Variants in ACSM1 observed in about 807,000 individuals in gnomAD.
ACSM1 encodes acyl-CoA synthetase medium chain family member 1.
ACSM1 carries 79 observed loss-of-function variants against 75.8 expected under a neutral mutation model. The observed-to-expected ratio is 1.04, with a 90% CI of 0.87 to 1.26. ACSM1 has a LOEUF of 1.26. Among genes scored for constraint, ACSM1 ranks in the 50% most tolerant of loss-of-function variants. The pLI is 0.00. For missense variants in ACSM1, 676 were observed against 720.1 expected (o/e 0.94, Z 0.70); for synonymous variants, 279 against 265.8 (o/e 1.05, Z -0.48).
chr16:20,689,749 TG>T lies in ACSM1; in HGVS notation c.192+1247del, dbSNP rs574670216. Among the ~76,000 whole-genome samples, 514 of 152,316 alleles carry T rather than the reference TG, an allele frequency of 3.4e-3. 2 individuals carry two copies. Among genetic ancestry groups the T allele is most frequent in the African/African-American group, 0.012 (507 of 41,574 alleles). ...TACTTCCTTCCTCTCCAACCCATCT[TG>T]TTTCAAAAATTCTCAACCAGATTTC... On this transcript the variant is annotated intron_variant, in intron 2 of 13. Coordinates refer to ENST00000520010, the MANE Select transcript of ACSM1 (RefSeq NM_001318890.3).
At chr16:20,672,448 C>CAAAAAAAAAAAAAAA (rs528742963) in intron 4 of ACSM1, among the ~76,000 whole-genome samples, 2 of 21,926 alleles carry the variant, frequency 9.1e-5, no homozygotes, top group African/African-American at 2.6e-4. Context: ...AACTCCATCT[C>CAAAAAAAAAAAAAAA]AAAAAAAAAA....
intron 7 of ACSM1, among the ~76,000 whole-genome samples, chr16:20,651,836 T>G (rs1022204271): frequency 2.0e-5 from 3 of 152,140 alleles, no homozygotes; most frequent in African/African-American, 7.2e-5. Context: ...TTAAAATTAT[T>G]GGTAAAATAA....
chr16:20,654,695 A>G (rs2018849712), intron 7 of ACSM1, among the ~76,000 whole-genome samples: 2 of 152,224 alleles, frequency 1.3e-5, no homozygotes, highest in South Asian at 4.1e-4. Context: ...TCAAAACCAC[A>G]ATGAGATACC....
chr16:20,629,884 G>A (rs1332601589), intron 10 of ACSM1, among the ~76,000 whole-genome samples: 2 of 151,602 alleles, frequency 1.3e-5, no homozygotes, highest in Non-Finnish European at 2.9e-5. Flanking sequence ...CCCAGCTACT[G>A]GGGAGGCTGA....
At chr16:20,659,746 C>T (rs1341090222) in intron 7 of ACSM1, among the ~76,000 whole-genome samples, 4 of 152,090 alleles carry the variant, frequency 2.6e-5, no homozygotes, top group African/African-American at 9.7e-5. Flanking sequence ...CCTTTTAAGT[C>T]CGATAAGACA....
At chr16:20,696,379 G>A (rs951985466) in intron 1 of ACSM1, among the ~76,000 whole-genome samples, 10 of 152,096 alleles carry the variant, frequency 6.6e-5, no homozygotes, top group African/African-American at 9.7e-5. Flanking sequence ...ATTTCTCACC[G>A]TGCTGGACAT....
chr16:20,661,882 G>A lies in ACSM1; in HGVS notation c.913-9C>T. On this transcript the variant is annotated splice_polypyrimidine_tract_variant and intron_variant, in intron 6 of 13. Transcript: ENST00000520010. ...GGGTATTTCAACAATGTCTGGAAAG[G>A]GAAGAGAGAAGAAATTTTATTTTTA... The A allele has an allele frequency of 6.3e-7, 1 of 1,587,812 alleles. No homozygotes were observed. The highest frequency in any genetic ancestry group is 8.6e-7 in the Non-Finnish European group (1 of 1,158,518).
chr16:20,628,110 GT>G (rs2017104372), intron 10 of ACSM1, among the ~76,000 whole-genome samples: 1 of 151,556 alleles, frequency 6.6e-6, no homozygotes, highest in Non-Finnish European at 1.5e-5. Flanking sequence ...AGTCTAGTAT[GT>G]TTTTAAGTTA....
chr16:20,691,271 G>A, intron 1 of ACSM1, 32 bp from the exon 2 acceptor site: 1 of 1,210,228 alleles, frequency 8.3e-7, no homozygotes, highest in Non-Finnish European at 1.1e-6. Flanking sequence ...GATTGGCTGT[G>A]TATCCAAAAC....
At chr16:20,671,265 C>T (rs982230661) in intron 5 of ACSM1, among the ~76,000 whole-genome samples, 1 of 152,134 alleles carries the variant, frequency 6.6e-6, no homozygotes, top group Admixed American at 6.5e-5. Context: ...CTCCACATCT[C>T]CTATGAAGAT....
Position 20,640,468 on chromosome 16 carries a change from G to T in ACSM1, c.1109C>A (p.Ser370Ter). Residue 370 changes from serine to a stop codon, truncating the protein, a stop_gained, in exon 8 of 14, where the codon TCG becomes TAG. Transcript: ENST00000520010. LOFTEE classifies it high-confidence loss of function. Reference protein sequence around the residue: ...GLLLYENYGQSETGLICATYW... With the variant: ...GLLLYENYGQ ...CTGGTTTGCACCACCTACCGTTTCC[G>T]ACTGCCCATAGTTCTCGTAGAGCAG... The T allele has an allele frequency of 1.2e-6, 2 of 1,614,034 alleles. No homozygotes were observed. Among genetic ancestry groups the T allele is most frequent in the Non-Finnish European group, 1.7e-6 (2 of 1,179,974 alleles).
chr16:20,676,709 G>A (rs1253860030), intron 4 of ACSM1, among the ~76,000 whole-genome samples: 1 of 152,184 alleles, frequency 6.6e-6, no homozygotes, highest in Non-Finnish European at 1.5e-5. Flanking sequence ...TCGTGGGCGT[G>A]AACACAGTCA....
At chr16:20,672,471 A>AAAAAATATATATATAT (rs1555473775) in intron 4 of ACSM1, among the ~76,000 whole-genome samples, 9 of 64,554 alleles carry the variant, frequency 1.4e-4, no homozygotes, top group Non-Finnish European at 2.4e-4. Context: ...AAAAAAAAAA[A>AAAAAATATATATATAT]ATATATATAT....
chr16:20,683,790 G>A (rs909669127), intron 3 of ACSM1, among the ~76,000 whole-genome samples: 3 of 148,158 alleles, frequency 2.0e-5, no homozygotes, highest in African/African-American at 5.0e-5. Flanking sequence ...GGATGGTCTC[G>A]ATCTCCTGAC....
chr16:20,666,073 A>G (rs2019550388), intron 6 of ACSM1, among the ~76,000 whole-genome samples: 1 of 152,192 alleles, frequency 6.6e-6, no homozygotes, highest in African/African-American at 2.4e-5. Context: ...AATTGGAAAA[A>G]GTGTAGGATG....
intron 7 of ACSM1, among the ~76,000 whole-genome samples, chr16:20,658,777 T>G (rs1284744680): frequency 6.6e-6 from 1 of 152,214 alleles, no homozygotes; most frequent in Non-Finnish European, 1.5e-5. Context: ...CTCCTCAGGA[T>G]GCTATACCTA....
intron 4 of ACSM1, chr16:20,681,295 A>G (rs1663785343): frequency 6.6e-6 from 1 of 152,250 alleles, no homozygotes. Flanking sequence ...CCTCTGAAGG[A>G]AGAGTATGTG....
At chr16:20,627,913 T>C (rs1225510529) in intron 10 of ACSM1, among the ~76,000 whole-genome samples, 5 of 76,818 alleles carry the variant, frequency 6.5e-5, no homozygotes, top group Admixed American at 1.4e-4. Context: ...TATATATATA[T>C]ATATATATAT....
intron 1 of ACSM1, among the ~76,000 whole-genome samples, chr16:20,697,425 C>T (rs1426925143): frequency 2.0e-5 from 3 of 152,122 alleles, no homozygotes; most frequent in Non-Finnish European, 2.9e-5. Flanking sequence ...ATTACATGTA[C>T]GTTCCTATTT....
Sources: allele counts gnomAD v4.1 joint callset (sites outside exome capture counted in the v4.1 genomes callset), GRCh38; gene constraint gnomAD v4.1.1; transcripts MANE v1.5; gene names NCBI Gene and HGNC (gene_info 2026-07-23, HGNC 2026-07-21).